FRMD4B: variants seen among roughly 807,000 people sequenced by gnomAD.
FRMD4B encodes the protein FERM domain containing 4B, also known as FERM domain-containing protein 4B.
A neutral mutation model predicts 141.5 loss-of-function variants in FRMD4B; 74 were observed. That is an observed-to-expected ratio of 0.52 (90% CI 0.43 to 0.63). The LOEUF (loss-of-function observed/expected upper bound fraction) is 0.63. FRMD4B is among the 30% of genes least tolerant of loss of function. The probability of loss-of-function intolerance (pLI) is 0.00; values close to 1 mark genes in which losing one functional copy is unlikely to be tolerated. For missense variants in FRMD4B, 1,366 were observed against 1,253.4 expected (o/e 1.09, Z -1.36); for synonymous variants, 506 against 467.9 (o/e 1.08, Z -1.05).
At chr3:69,377,675 G>A (rs1704008598) in intron 1 of FRMD4B, among the ~76,000 whole-genome samples, 1 of 152,120 alleles carries the variant, frequency 6.6e-6, no homozygotes, top group Non-Finnish European at 1.5e-5. Context: ...GGTTAATGAA[G>A]GTGGGGAGAA....
chr3:69,363,268 T>C (rs1054426765), intron 1 of FRMD4B, among the ~76,000 whole-genome samples: 2 of 143,958 alleles, frequency 1.4e-5, no homozygotes, highest in Non-Finnish European at 3.0e-5. Flanking sequence ...TTTTTTTAAA[T>C]AGAGATGGGT....
At chr3:69,196,640 C>T (rs994627817) in intron 13 of FRMD4B, 8 of 570,972 alleles carry the variant, frequency 1.4e-5, no homozygotes, top group Admixed American at 7.1e-5. Context: ...GAAGTGTCAC[C>T]GGCAACATCA....
At chr3:69,268,749 G>A (rs2093580356) in intron 5 of FRMD4B, among the ~76,000 whole-genome samples, 3 of 151,840 alleles carry the variant, frequency 2.0e-5, no homozygotes, top group African/African-American at 4.9e-5. Flanking sequence ...CTATCTGGCT[G>A]TTTTGCATGA....
At chr3:69,537,658 A>G (rs998970667) in intron 1 of FRMD4B, among the ~76,000 whole-genome samples, 2 of 152,198 alleles carry the variant, frequency 1.3e-5, no homozygotes, top group African/African-American at 4.8e-5. Context: ...CTTGTTCTGC[A>G]TCTTGATCTC....
intron 1 of FRMD4B, among the ~76,000 whole-genome samples, chr3:69,514,268 T>A (rs1293220875): frequency 6.6e-6 from 1 of 152,048 alleles, no homozygotes; most frequent in Non-Finnish European, 1.5e-5. Flanking sequence ...AATGAACAAT[T>A]TGAAAAGGAA....
chr3:69,333,450 T>A (rs376833805), intron 1 of FRMD4B, among the ~76,000 whole-genome samples: 2 of 152,158 alleles, frequency 1.3e-5, no homozygotes, highest in African/African-American at 4.8e-5. Flanking sequence ...CAGATTTCCA[T>A]GAATATTTTG....
intron 1 of FRMD4B, among the ~76,000 whole-genome samples, chr3:69,505,446 C>G (rs1228675382): frequency 6.6e-6 from 1 of 152,132 alleles, no homozygotes; most frequent in Non-Finnish European, 1.5e-5. Flanking sequence ...TCATTCTTTA[C>G]CATTTTCAAC....
intron 1 of FRMD4B, among the ~76,000 whole-genome samples, chr3:69,456,007 T>C (rs976773037): frequency 3.3e-5 from 5 of 152,198 alleles, no homozygotes; most frequent in African/African-American, 4.8e-5. Context: ...ATTCAGATTA[T>C]GCACATCAAG....
At chr3:69,396,897 T>C (rs1261254428) in intron 2 of FRMD4B, among the ~76,000 whole-genome samples, 1 of 152,228 alleles carries the variant, frequency 6.6e-6, no homozygotes, top group Non-Finnish European at 1.5e-5. Context: ...GGTAGCATTA[T>C]TCATAATAGC....
chr3:69,200,475 C>T (rs2092954574), intron 11 of FRMD4B: 2 of 988,574 alleles, frequency 2.0e-6, no homozygotes, highest in South Asian at 9.1e-5. Context: ...TTCTTCCGCC[C>T]TCCCCCCTCC....
At chr3:69,256,469 GC>G (rs1434152672) in intron 5 of FRMD4B, among the ~76,000 whole-genome samples, 5 of 152,102 alleles carry the variant, frequency 3.3e-5, no homozygotes, top group African/African-American at 1.2e-4. Flanking sequence ...ACAAGCACAC[GC>G]TACCACACCC....
rs181324976 is a variant in FRMD4B at position 69,452,768 on chromosome 3, A to G, written c.-128-20007T>C. ...GTGGCTAGGTCAGGAAGTACTCTAC[A>G]ACAGAACTGTCTAGCAGAAACATAA... On this transcript the variant is annotated intron_variant, in intron 1 of 5. Transcript: ENST00000459638. 1.4e-3 allele frequency among the ~76,000 whole-genome samples: 206 copies of G among 152,354 alleles called. 1 individual carries two copies. The highest frequency in any genetic ancestry group is 2.1e-3 in the Non-Finnish European group (146 of 68,022).
chr3:69,229,331 A>G (rs1444914347), intron 7 of FRMD4B, among the ~76,000 whole-genome samples: 4 of 152,044 alleles, frequency 2.6e-5, no homozygotes, highest in African/African-American at 7.2e-5. Context: ...CAGCCCCCCA[A>G]AATTACATTC....
chr3:69,200,832 A>G (rs374784823), intron 11 of FRMD4B: 69 of 485,176 alleles, frequency 1.4e-4, no homozygotes, highest in African/African-American at 1.2e-3. Flanking sequence ...AACAGGTTCT[A>G]CAGGAAGAGT....
intron 5 of FRMD4B, among the ~76,000 whole-genome samples, chr3:69,269,516 C>T (rs1042881244): frequency 1.3e-5 from 2 of 150,040 alleles, no homozygotes; most frequent in South Asian, 2.1e-4. Context: ...CTCTGATACC[C>T]GCTTCCCCCA....
chr3:69,339,587 C>A lies in FRMD4B; in HGVS notation c.163-26070G>T, dbSNP rs1055796771. Among the ~76,000 whole-genome samples the A allele has an allele frequency of 2.6e-5, 4 of 151,794 alleles. No homozygotes were observed. In the East Asian group the frequency reaches 7.7e-4, roughly 29 times the overall value. On this transcript the variant is annotated intron_variant, in intron 1 of 22. Transcript: ENST00000398540. ...CACAGGAATGATGCAGCTACATGAA[C>A]CATTAAGAAAAATAAATGTATCCCA...
chr3:69,436,368 C>T (rs767423310), intron 1 of FRMD4B, among the ~76,000 whole-genome samples: 1 of 152,120 alleles, frequency 6.6e-6, no homozygotes, highest in Non-Finnish European at 1.5e-5. Context: ...AATAAAAAAA[C>T]TGTAGGATAA....
chr3:69,374,985 C>T (rs578045726), intron 1 of FRMD4B, among the ~76,000 whole-genome samples: 1 of 152,050 alleles, frequency 6.6e-6, no homozygotes, highest in Non-Finnish European at 1.5e-5. Flanking sequence ...TTCATCTATT[C>T]ATCCAATTGC....
In FRMD4B at chr3:69,382,734, T is replaced by G. The variant is rs866404456; in HGVS notation, c.162+3094A>C. Among the ~76,000 whole-genome samples, 512 of 151,902 alleles carry G rather than the reference T, an allele frequency of 3.4e-3. 5 individuals carry two copies. The highest frequency in any genetic ancestry group is 0.012 in the African/African-American group (495 of 41,436). ...CCAGCATGTAAACTGGGACTTTTTT[T>G]TTTTTTTTTTTGATAGTTGGAGGAT... On this transcript the variant is annotated intron_variant, in intron 1 of 22. Coordinates refer to ENST00000398540, the MANE Select transcript of FRMD4B (RefSeq NM_015123.3).
Sources: allele counts gnomAD v4.1 joint callset (sites outside exome capture counted in the v4.1 genomes callset), GRCh38; gene constraint gnomAD v4.1.1; transcripts MANE v1.5; gene names NCBI Gene and HGNC (gene_info 2026-07-23, HGNC 2026-07-21).